The following BCAS3 variants were observed in gnomAD, a reference collection of about 807,000 sequenced individuals.
BCAS3 encodes the protein BCAS3 microtubule associated cell migration factor, also known as BCAS4/BCAS3 fusion.
In BCAS3, 53 loss-of-function variants were observed where a neutral mutation model predicts 116.1. That is an observed-to-expected ratio of 0.46 (90% CI 0.37 to 0.57). BCAS3 has a LOEUF of 0.57. BCAS3 is among the 20% of genes least tolerant of loss of function. BCAS3 has a pLI of 0.00. For missense variants in BCAS3, 917 were observed against 1,165.4 expected (o/e 0.79, Z 3.10); for synonymous variants, 391 against 408.2 (o/e 0.96, Z 0.51).
rs1199397363 is a variant in BCAS3 at position 60,766,015 on chromosome 17, T to C, written c.403+18736T>C. Among the ~76,000 whole-genome samples the C allele has an allele frequency of 2.0e-5, 3 of 152,214 alleles. No homozygotes were observed. In the East Asian group the frequency reaches 5.8e-4, roughly 29 times the overall value. On this transcript the variant is annotated intron_variant, in intron 6 of 23. Transcript: ENST00000407086. ...ATGTGCATGTGTCACGTAGTTCTCG[T>C]GCCATGGTTTTCAGCTCCATCAGGT... is the stretch of plus-strand genomic sequence containing the variant.
intron 22 of BCAS3, among the ~76,000 whole-genome samples, chr17:61,287,736 A>AAACAAAT (rs1163190443): frequency 6.6e-6 from 1 of 151,136 alleles, no homozygotes; most frequent in Non-Finnish European, 1.5e-5. Context: ...AAAAAACAAA[A>AAACAAAT]AACAAAACAA....
intron 22 of BCAS3, among the ~76,000 whole-genome samples, chr17:61,210,059 G>T (rs2081366051): frequency 6.6e-6 from 1 of 152,206 alleles, no homozygotes; most frequent in Admixed American, 6.5e-5. Context: ...CCCACGCAGG[G>T]AAGTTCTGCA....
intron 5 of BCAS3, among the ~76,000 whole-genome samples, chr17:60,732,622 C>T (rs2040568270): frequency 2.0e-5 from 3 of 152,026 alleles, no homozygotes; most frequent in African/African-American, 2.4e-5. Context: ...GGGCAGATCA[C>T]GAGGTCAAGA....
In BCAS3 at chr17:61,388,886, C is replaced by T. The variant is rs928969947; in HGVS notation, c.2594-3091C>T. ...TGGAGAAAAGCGCCCACAAAGCTGCCCCGGGGCCAGCAGGCCCCCGATTCT... is the reference window on the plus strand; with the variant it reads ...TGGAGAAAAGCGCCCACAAAGCTGCTCCGGGGCCAGCAGGCCCCCGATTCT... On this transcript the variant is annotated intron_variant, in intron 23 of 23. Transcript: ENST00000407086. This position sits in a 1 kb window ranked among gnomAD's most constrained non-coding sequence, Gnocchi z 6.5. The T allele has an allele frequency of 4.1e-5, 25 of 610,708 alleles. No individual in the cohort carries two copies. The highest frequency in any genetic ancestry group is 6.2e-5 in the Admixed American group (2 of 32,176). 37.8% of individuals were successfully genotyped at this position (610,708 alleles called of 1,614,324 possible). A position where few individuals can be genotyped will look rare whatever the true frequency, so the allele number is the denominator to read the frequency against.
rs572406163 is a variant in BCAS3 at position 60,973,131 on chromosome 17, G to C, written c.1222-16840G>C. On this transcript the variant is annotated intron_variant, in intron 14 of 23. Transcript: ENST00000407086. ...ATCACGTTATAAAATGTTTGCTGCT[G>C]GTCTTGGCTGAATGATGTCTATGTG... Among the ~76,000 whole-genome samples, 19 of 152,020 alleles carry C rather than the reference G, an allele frequency of 1.2e-4. No homozygotes were observed. The South Asian group carries it at 4.0e-3, about 32-fold the overall frequency.
chr17:61,025,661 TCTAA>T (rs1184998904), intron 16 of BCAS3, among the ~76,000 whole-genome samples: 1 of 152,106 alleles, frequency 6.6e-6, no homozygotes, highest in Non-Finnish European at 1.5e-5. Flanking sequence ...TATGTTCTTA[TCTAA>T]CTGAGAGAGA....
In BCAS3 at chr17:60,893,254, T is replaced by G. The variant is rs2057296478; in HGVS notation, c.738+3483T>G. On this transcript the variant is annotated intron_variant, in intron 10 of 23. Transcript: ENST00000407086. The stretch of plus-strand genomic sequence containing the variant: ...AGGAACTTTTTAGTTTAATTAAGTG[T>G]CATTTGTCTATTTTTGTTGCATTTG... 2.6e-5 allele frequency among the ~76,000 whole-genome samples: 4 copies of G among 152,314 alleles called. No individual in the cohort carries two copies. The South Asian group carries it at 8.3e-4, about 32-fold the overall frequency.
intron 22 of BCAS3, among the ~76,000 whole-genome samples, chr17:61,266,970 T>C (rs1183963616): frequency 6.6e-6 from 1 of 152,196 alleles, no homozygotes; most frequent in East Asian, 1.9e-4. Flanking sequence ...CCTCCATACT[T>C]TCTTTATAGC....
At position 61,028,808 on chromosome 17, in the gene BCAS3, C is replaced by T. The variant is rs995366920; in HGVS notation, c.1638-5858C>T. Among the ~76,000 whole-genome samples the T allele has an allele frequency of 3.3e-5, 5 of 151,820 alleles. No homozygotes were observed. The highest frequency in any genetic ancestry group is 7.4e-5 in the Non-Finnish European group (5 of 67,792). On this transcript the variant is annotated intron_variant, in intron 16 of 23. Transcript: ENST00000407086. The surrounding 1 kb of genome is among the most constrained non-coding windows in gnomAD (Gnocchi z 4.3). ...GACTGCTTTGTGGTTTGTTTGATGC[C>T]ATCGTTAGCTCACAAGAAACTCGTT...
chr17:60,882,510 C>T (rs2056262504), intron 9 of BCAS3, among the ~76,000 whole-genome samples: 2 of 151,996 alleles, frequency 1.3e-5, no homozygotes, highest in African/African-American at 2.4e-5. Context: ...ACATGAAGTC[C>T]TTGCCCATGC....
rs539605806 is a variant in BCAS3 at position 61,363,765 on chromosome 17, G to A, written c.2426-4562G>A. On this transcript the variant is annotated intron_variant, in intron 22 of 23. Coordinates refer to ENST00000407086, the MANE Select transcript of BCAS3 (RefSeq NM_017679.5). The surrounding 1 kb of genome is among the most constrained non-coding windows in gnomAD (Gnocchi z 4.9). Reference sequence around the variant, plus strand: ...TGCAAACAGCCTGCGCTAAGTGAGCGTCTTCTCCCTGCTTGAAACTGACCC... The same window carrying A: ...TGCAAACAGCCTGCGCTAAGTGAGCATCTTCTCCCTGCTTGAAACTGACCC... Among the ~76,000 whole-genome samples, 5 of 152,244 alleles carry A rather than the reference G, an allele frequency of 3.3e-5. No individual in the cohort carries two copies. The South Asian group carries it at 6.2e-4, about 19-fold the overall frequency.
intron 22 of BCAS3, among the ~76,000 whole-genome samples, chr17:61,334,275 T>A (rs1250578442): frequency 6.6e-6 from 1 of 152,178 alleles, no homozygotes; most frequent in Non-Finnish European, 1.5e-5. Context: ...GAGACAAGGG[T>A]GAGCTGGATG....
rs564962206 is a variant in BCAS3 at position 60,843,814 on chromosome 17, A to G, written c.477-24762A>G. Among the ~76,000 whole-genome samples the G allele has an allele frequency of 2.0e-5, 3 of 152,164 alleles. No homozygotes were observed. In the South Asian group the frequency reaches 6.2e-4, roughly 32 times the overall value. ...CGACTCTATGTTTTTCTTTATGCAT[A>G]TTACTTATTAATCTCTAACATTTGA... On this transcript the variant is annotated intron_variant, in intron 7 of 23. Transcript: ENST00000407086.
At chr17:60,899,194 C>A (rs1357510936) in intron 10 of BCAS3, among the ~76,000 whole-genome samples, 1 of 152,118 alleles carries the variant, frequency 6.6e-6, no homozygotes, top group East Asian at 1.9e-4. Flanking sequence ...GCCTCAGTGG[C>A]CACAGCTAGG....
intron 6 of BCAS3, among the ~76,000 whole-genome samples, chr17:60,783,654 A>G (rs2046020591): frequency 6.6e-6 from 1 of 152,210 alleles, no homozygotes; most frequent in African/African-American, 2.4e-5. Context: ...AAAAACATCT[A>G]TTTTAAGCAT....
At chr17:61,197,743 C>A (rs1239653088) in intron 22 of BCAS3, among the ~76,000 whole-genome samples, 1 of 152,178 alleles carries the variant, frequency 6.6e-6, no homozygotes, top group Non-Finnish European at 1.5e-5. Flanking sequence ...TGGATAAAGA[C>A]CCTCGGGAGA....
chr17:60,851,499 G>A lies in BCAS3; in HGVS notation c.477-17077G>A, dbSNP rs1454306160. 3 of 574,376 alleles carry A rather than the reference G, an allele frequency of 5.2e-6. No homozygotes were observed. The Admixed American group carries it at 6.7e-5, about 13-fold the overall frequency. 35.6% of individuals were successfully genotyped at this position (574,376 alleles called of 1,614,324 possible). A position where few individuals can be genotyped will look rare whatever the true frequency, so the allele number is the denominator to read the frequency against. The stretch of plus-strand genomic sequence containing the variant: ...AAAAATGGAAGCGAAGCCGAAAAAG[G>A]CAGCAGCAAAGCATTGAAACCACCA... On this transcript the variant is annotated intron_variant, in intron 7 of 23. Coordinates refer to ENST00000407086, the MANE Select transcript of BCAS3 (RefSeq NM_017679.5).
intron 22 of BCAS3, among the ~76,000 whole-genome samples, chr17:61,336,488 C>G (rs1367843315): frequency 6.6e-6 from 1 of 152,166 alleles, no homozygotes; most frequent in Non-Finnish European, 1.5e-5. Context: ...GTGGGTCTTT[C>G]TAGAAACCTT....
In BCAS3 at chr17:61,097,122, C is replaced by T. The variant is rs1601204273; in HGVS notation, c.2425+12558C>T. On this transcript the variant is annotated intron_variant, in intron 22 of 23. Transcript: ENST00000407086. The surrounding 1 kb of genome is among the most constrained non-coding windows in gnomAD (Gnocchi z 4.0). The stretch of plus-strand genomic sequence containing the variant: ...GTAGACATATTATAATCAAACTGTT[C>T]AGATCTAAACATAAGGAAGGAATTT... 6.6e-6 allele frequency among the ~76,000 whole-genome samples: 1 copy of T among 152,168 alleles called. No individual in the cohort carries two copies. Among genetic ancestry groups the T allele is most frequent in the Non-Finnish European group, 1.5e-5 (1 of 68,024 alleles).
Sources: allele counts gnomAD v4.1 joint callset (sites outside exome capture counted in the v4.1 genomes callset), GRCh38; gene constraint gnomAD v4.1.1; non-coding constraint Gnocchi (gnomAD v3.1); transcripts MANE v1.5; gene names NCBI Gene and HGNC (gene_info 2026-07-23, HGNC 2026-07-21).